The following IQCH variants were observed in gnomAD, a reference collection of about 807,000 sequenced individuals.
The protein encoded by IQCH is IQ domain-containing protein H.
In IQCH, 98 loss-of-function variants were observed where a neutral mutation model predicts 117.0. That is an observed-to-expected ratio of 0.84 (90% CI 0.71 to 0.99). The LOEUF (loss-of-function observed/expected upper bound fraction) is 0.99, where lower values mean the gene tolerates loss of function less well. IQCH is among the 50% of genes least tolerant of loss of function. The pLI is 0.00. For missense variants in IQCH, 1,102 were observed against 1,243.8 expected, an observed-to-expected ratio of 0.89 and a Z score of 1.72; for synonymous variants, 412 against 448.2, an observed-to-expected ratio of 0.92 and a Z score of 1.02.
At chr15:67,347,689 C>G (rs1443431987) in intron 6 of IQCH, among the ~76,000 whole-genome samples, 2 of 150,940 alleles carry the variant, frequency 1.3e-5, no homozygotes, top group African/African-American at 4.9e-5. Context: ...CTATCATCAC[C>G]CTGACACCAC....
chr15:67,297,301 T>C (rs1167437700), intron 4 of IQCH, among the ~76,000 whole-genome samples: 1 of 152,218 alleles, frequency 6.6e-6, no homozygotes, highest in Non-Finnish European at 1.5e-5. Context: ...CAAAAATCCA[T>C]ATAGCCATCT....
chr15:67,257,617 G>A (rs573197986), intron 1 of IQCH, among the ~76,000 whole-genome samples: 19 of 152,340 alleles, frequency 1.2e-4, no homozygotes, highest in African/African-American at 4.6e-4. Flanking sequence ...AAGTGTGATA[G>A]TGACTCTGGG....
At position 67,406,764 on chromosome 15, in the gene IQCH, T is replaced by A. The variant is rs1215721015; in HGVS notation, c.2097+6459T>A. 6.6e-6 allele frequency: 1 copy of A among 152,180 alleles called. No individual in the cohort carries two copies. Among genetic ancestry groups the A allele is most frequent in the Non-Finnish European group, 1.5e-5 (1 of 68,026 alleles). The allele number at this position is 152,180 out of a possible 1,614,324, so 9.4% of individuals were successfully genotyped here. On this transcript the variant is annotated intron_variant, in intron 14 of 20. Coordinates refer to ENST00000335894, the MANE Select transcript of IQCH (RefSeq NM_001031715.3). This position sits in a 1 kb window ranked among gnomAD's most constrained non-coding sequence, Gnocchi z 4.5. ...TGGGGGATAACTATAGGCAAATTAC[T>A]TCAGCTCTCCAAGTCTCCCTTTCTC...
chr15:67,256,575 C>A (rs1965220159), intron 1 of IQCH, among the ~76,000 whole-genome samples: 1 of 152,154 alleles, frequency 6.6e-6, no homozygotes, highest in Non-Finnish European at 1.5e-5. Flanking sequence ...GATCACCTCC[C>A]AGTAGCCAGG....
chr15:67,377,115 CA>C (rs5813442), intron 10 of IQCH, among the ~76,000 whole-genome samples: 23,459 of 81,558 alleles, frequency 0.29, 1,840 homozygotes, highest in East Asian at 0.5. Flanking sequence ...GACTCCATCT[CA>C]AAAAAAAAAA....
At position 67,359,795 on chromosome 15, in the gene IQCH, A is replaced by C; in HGVS notation, c.715-52A>C. 1 of 1,500,606 alleles carries C rather than the reference A, an allele frequency of 6.7e-7. No homozygotes were observed. The highest frequency in any genetic ancestry group is 1.7e-5 in the Admixed American group (1 of 59,810). 93.0% of individuals were successfully genotyped at this position (1,500,606 alleles called of 1,614,324 possible). On this transcript the variant is annotated intron_variant, in intron 7 of 20. Coordinates refer to ENST00000335894, the MANE Select transcript of IQCH (RefSeq NM_001031715.3). The surrounding 1 kb of genome is among the most constrained non-coding windows in gnomAD (Gnocchi z 4.5). ...CTGAGCCTTCTATTTGTTTTGTAAAATTGCCCATGAGAGTCGTTTTGATTT... is the reference window on the plus strand; with the variant it reads ...CTGAGCCTTCTATTTGTTTTGTAAACTTGCCCATGAGAGTCGTTTTGATTT...
At position 67,436,409 on chromosome 15, in the gene IQCH, C is replaced by T. The variant is rs1304816411; in HGVS notation, c.2505+14832C>T. On this transcript the variant is annotated intron_variant, in intron 16 of 20. Transcript: ENST00000335894. This position sits in a 1 kb window ranked among gnomAD's most constrained non-coding sequence, Gnocchi z 5.1. ...AGGGGTAGAGGAAGAAGCAGAAAGGCCCTAGGAGCTCACTGCATCCCCTAG... is the reference window on the plus strand; with the variant it reads ...AGGGGTAGAGGAAGAAGCAGAAAGGTCCTAGGAGCTCACTGCATCCCCTAG... Among the ~76,000 whole-genome samples the T allele has an allele frequency of 6.6e-6, 1 of 152,128 alleles. No individual in the cohort carries two copies. The highest frequency in any genetic ancestry group is 1.5e-5 in the Non-Finnish European group (1 of 68,014).
At chr15:67,329,402 C>A (rs1968562371) in intron 4 of IQCH, among the ~76,000 whole-genome samples, 1 of 151,928 alleles carries the variant, frequency 6.6e-6, no homozygotes, top group Admixed American at 6.6e-5. Context: ...TATATTAATT[C>A]ATTAATTCCT....
At chr15:67,299,013 C>G (rs559370432) in intron 4 of IQCH, among the ~76,000 whole-genome samples, 4 of 151,176 alleles carry the variant, frequency 2.6e-5, no homozygotes, top group African/African-American at 9.7e-5. Flanking sequence ...TAGAAGCAAC[C>G]TAAGTGTCCA....
At position 67,494,235 on chromosome 15, in the gene IQCH, A is replaced by C. The variant is rs1437600490; in HGVS notation, c.2862-23A>C. The C allele has an allele frequency of 6.4e-7, 1 of 1,563,296 alleles. No individual in the cohort carries two copies. The highest frequency in any genetic ancestry group is 8.7e-7 in the Non-Finnish European group (1 of 1,148,140). On this transcript the variant is annotated intron_variant, in intron 19 of 20. Coordinates refer to ENST00000335894, the MANE Select transcript of IQCH (RefSeq NM_001031715.3). This position sits in a 1 kb window ranked among gnomAD's most constrained non-coding sequence, Gnocchi z 5.5. ...TGTGAAGGGAATCGTTGGTAAACTC[A>C]TTTGTTTGGATATCATTAACAGAAC...
rs1387911486 is a variant in IQCH at position 67,369,923 on chromosome 15, G to A, written c.754-2188G>A. Among the ~76,000 whole-genome samples, 1 of 152,182 alleles carries A rather than the reference G, an allele frequency of 6.6e-6. No homozygotes were observed. The highest frequency in any genetic ancestry group is 2.4e-5 in the African/African-American group (1 of 41,442). On this transcript the variant is annotated intron_variant, in intron 8 of 20. Coordinates refer to ENST00000335894, the MANE Select transcript of IQCH (RefSeq NM_001031715.3). The surrounding 1 kb of genome is among the most constrained non-coding windows in gnomAD (Gnocchi z 5.2). ...GACTCCAAACCGATAGCTTCCCAGT[G>A]CCTGAGTGGTCTGTTTGATGTCCAG...
In IQCH at chr15:67,408,542, G is replaced by C. The variant is rs140953764; in HGVS notation, c.2097+8237G>C. The C allele has an allele frequency of 4.4e-4, 67 of 152,324 alleles. No homozygotes were observed. Among genetic ancestry groups the C allele is most frequent in the African/African-American group, 1.6e-3 (65 of 41,580 alleles). 9.4% of individuals were successfully genotyped at this position (152,324 alleles called of 1,614,324 possible). ...GCCTCAAGTGTATGCATCTGTATGT[G>C]TGGAAATATCAAACAAGGCACAGCT... On this transcript the variant is annotated intron_variant, in intron 14 of 20. Coordinates refer to ENST00000335894, the MANE Select transcript of IQCH (RefSeq NM_001031715.3). This position sits in a 1 kb window ranked among gnomAD's most constrained non-coding sequence, Gnocchi z 4.2.
intron 1 of IQCH, among the ~76,000 whole-genome samples, chr15:67,258,327 C>T (rs575569322): frequency 4.0e-5 from 6 of 151,298 alleles, no homozygotes; most frequent in African/African-American, 1.2e-4. Flanking sequence ...GTCAGAAGTT[C>T]GTACACCAGC....
intron 16 of IQCH, among the ~76,000 whole-genome samples, chr15:67,429,089 C>T (rs191626296): frequency 1.3e-5 from 2 of 152,190 alleles, no homozygotes; most frequent in African/African-American, 4.8e-5. Context: ...ACTTCTGACC[C>T]ACAGAGCTGA....
chr15:67,351,273 A>T (rs1485486900), intron 6 of IQCH, among the ~76,000 whole-genome samples: 1 of 151,408 alleles, frequency 6.6e-6, no homozygotes, highest in Non-Finnish European at 1.5e-5. Flanking sequence ...CTGGTGTGTA[A>T]TGTTCCCCTC....
intron 8 of IQCH, chr15:67,371,587 G>A: frequency 9.7e-7 from 1 of 1,029,350 alleles, no homozygotes; most frequent in Non-Finnish European, 1.5e-6. Flanking sequence ...GATATTAAGA[G>A]AAGATGGCAG....
chr15:67,279,271 T>A, intron 3 of IQCH, 124 bp from the exon 4 acceptor site: 1 of 608,014 alleles, frequency 1.6e-6, no homozygotes, highest in Admixed American at 3.3e-5. Context: ...TAATTTATTG[T>A]AATTACCAAT....
chr15:67,344,179 A>G lies in IQCH; in HGVS notation c.625A>G (p.Ile209Val). Residue 209 changes from isoleucine (I) to valine (V), a missense_variant, in exon 6 of 21, where the codon ATT (isoleucine) becomes GTT (valine). Around this residue, in one of 2 missense-constraint regions of IQCH, gnomAD observed 452 missense variants for 449.6 expected, o/e 1.01. Coordinates refer to ENST00000335894, the MANE Select transcript of IQCH (RefSeq NM_001031715.3). ...PLHSFDEARK[I>V]PTVATFTIPR... Reference sequence around the variant, plus strand: ...GCATAGTTTTGATGAAGCACGTAAGATTCCAACTGTAGGTAAGATACTCAT... The same window carrying G: ...GCATAGTTTTGATGAAGCACGTAAGGTTCCAACTGTAGGTAAGATACTCAT... 1 of 1,613,408 alleles carries G rather than the reference A, an allele frequency of 6.2e-7. No individual in the cohort carries two copies. The highest frequency in any genetic ancestry group is 8.5e-7 in the Non-Finnish European group (1 of 1,179,640).
intron 3 of IQCH, 89 bp from the exon 4 acceptor site, chr15:67,279,306 C>G: frequency 1.5e-6 from 1 of 686,348 alleles, no homozygotes. Flanking sequence ...AAAATATAAG[C>G]TTAATTAGGA....
Sources: allele counts gnomAD v4.1 joint callset (sites outside exome capture counted in the v4.1 genomes callset), GRCh38; gene constraint gnomAD v4.1.1; regional missense constraint gnomAD v4.1.1; non-coding constraint Gnocchi (gnomAD v3.1); transcripts MANE v1.5; gene names NCBI Gene and HGNC (gene_info 2026-07-23, HGNC 2026-07-21).